RILPL1: variants seen among roughly 807,000 people sequenced by gnomAD.
RILPL1 encodes Rab interacting lysosomal protein like 1, also known as RILP-like protein 1.
Under a neutral mutation model 50.3 loss-of-function variants are expected in RILPL1, and 33 were observed. That is an observed-to-expected ratio of 0.66 (90% CI 0.50 to 0.88). The LOEUF (loss-of-function observed/expected upper bound fraction) is 0.88. Among genes scored for constraint, RILPL1 ranks in the 40% least tolerant of loss-of-function variants. RILPL1 has a pLI of 0.00. For missense variants in RILPL1, 418 were observed against 542.5 expected (o/e 0.77, Z 2.28); for synonymous variants, 205 against 228.6 (o/e 0.90, Z 0.93).
At chr12:123,499,196 G>A (rs902419638) in intron 3 of RILPL1, among the ~76,000 whole-genome samples, 17 of 152,180 alleles carry the variant, frequency 1.1e-4, no homozygotes, top group African/African-American at 4.1e-4. Flanking sequence ...CAGGAGGCGG[G>A]AGGAGCCTGC....
In RILPL1 at chr12:123,475,808, AAAC is replaced by A; in HGVS notation, c.1068-3129_1068-3127del. 6 of 1,097,050 alleles carry A rather than the reference AAAC, an allele frequency of 5.5e-6. 1 individual carries two copies. The South Asian group carries it at 8.0e-5, about 15-fold the overall frequency. 68.0% of individuals were successfully genotyped at this position (1,097,050 alleles called of 1,614,324 possible). A position where few individuals can be genotyped will look rare whatever the true frequency, so the allele number is the denominator to read the frequency against. On this transcript the variant is annotated intron_variant, in intron 6 of 6. Coordinates refer to ENST00000376874, the MANE Select transcript of RILPL1 (RefSeq NM_178314.5). ...GATAAAAACGGGAGGCATGAAAAAG[AAAC>A]AAACTCCACAGACACCAGTGGAAGG... is the stretch of plus-strand genomic sequence containing the variant.
chr12:123,512,522 GGTC>G (rs1314898347), intron 2 of RILPL1, among the ~76,000 whole-genome samples: 1 of 135,502 alleles, frequency 7.4e-6, no homozygotes, highest in Non-Finnish European at 1.6e-5. Context: ...GTGTGTGTGA[GGTC>G]TGTGTGTGTG....
Position 123,508,659 on chromosome 12 carries a change from T to C in RILPL1, c.461-9123A>G, listed in dbSNP as rs189291538. On this transcript the variant is annotated intron_variant, in intron 2 of 6. Coordinates refer to ENST00000376874, the MANE Select transcript of RILPL1 (RefSeq NM_178314.5). ...ATCTGAACATACATGCAAAAATTCA[T>C]AGAGCTGTACACTTAAAATGTGTTC... Among the ~76,000 whole-genome samples, 38 of 152,282 alleles carry C rather than the reference T, an allele frequency of 2.5e-4. 1 individual carries two copies. In the East Asian group the frequency reaches 6.8e-3, roughly 27 times the overall value.
Position 123,533,035 on chromosome 12 carries a change from C to T in RILPL1, c.309+139G>A. 2 of 925,002 alleles carry T rather than the reference C, an allele frequency of 2.2e-6. No homozygotes were observed. The highest frequency in any genetic ancestry group is 3.1e-6 in the Non-Finnish European group (2 of 636,716). The allele number at this position is 925,002 out of a possible 1,614,324, so 57.3% of individuals were successfully genotyped here. A position where few individuals can be genotyped will look rare whatever the true frequency, so the allele number is the denominator to read the frequency against. On this transcript the variant is annotated intron_variant, in intron 1 of 6. Coordinates refer to ENST00000376874, the MANE Select transcript of RILPL1 (RefSeq NM_178314.5). The surrounding 1 kb of genome is among the most constrained non-coding windows in gnomAD (Gnocchi z 6.2). ...TCGGGCAAAAGAAGGCCAGGGCCTCCCTCCCTCCCCACGTCGGGTCTCCTC... is the reference window on the plus strand; with the variant it reads ...TCGGGCAAAAGAAGGCCAGGGCCTCTCTCCCTCCCCACGTCGGGTCTCCTC...
chr12:123,525,438 GCC>G (rs1885216505), intron 1 of RILPL1, among the ~76,000 whole-genome samples: 1 of 145,544 alleles, frequency 6.9e-6, no homozygotes, highest in African/African-American at 2.5e-5. Context: ...GGTGGATCAT[GCC>G]TGTAACCTCA....
intron 2 of RILPL1, among the ~76,000 whole-genome samples, chr12:123,518,870 A>G (rs1439044415): frequency 1.3e-5 from 2 of 151,940 alleles, no homozygotes; most frequent in African/African-American, 2.4e-5. Context: ...CATACTGGCT[A>G]ACACGGTGAA....
chr12:123,512,377 C>G (rs1349696224), intron 2 of RILPL1, among the ~76,000 whole-genome samples: 249 of 41,526 alleles, frequency 6.0e-3, no homozygotes, highest in Non-Finnish European at 5.9e-3. Context: ...TGTGGTGTGT[C>G]TGAGGTCTGT....
At chr12:123,502,028 T>C (rs1328342085) in intron 2 of RILPL1, among the ~76,000 whole-genome samples, 4 of 143,602 alleles carry the variant, frequency 2.8e-5, no homozygotes, top group African/African-American at 1.0e-4. Context: ...TGTGGTGAGC[T>C]GAGATCATAC....
At position 123,470,288 on chromosome 12, in the gene RILPL1, G is replaced by A. The variant is rs1186566499; in HGVS notation, c.*2250C>T. The A allele has an allele frequency of 1.3e-5, 2 of 151,254 alleles. No homozygotes were observed. The highest frequency in any genetic ancestry group is 2.9e-5 in the Non-Finnish European group (2 of 67,880). 9.4% of individuals were successfully genotyped at this position (151,254 alleles called of 1,614,324 possible). On this transcript the variant is annotated 3_prime_UTR_variant, in exon 7 of 7. Coordinates refer to ENST00000376874, the MANE Select transcript of RILPL1 (RefSeq NM_178314.5). ...AGCCCAGGAGTTTGAGACCAGCTTAGGCAACAAAGTAAGACCTGGTCTCTA... is the reference window on the plus strand; with the variant it reads ...AGCCCAGGAGTTTGAGACCAGCTTAAGCAACAAAGTAAGACCTGGTCTCTA...
At chr12:123,473,407 T>A (rs1372240118) in intron 6 of RILPL1, 1 of 151,706 alleles carries the variant, frequency 6.6e-6, no homozygotes, top group Non-Finnish European at 1.5e-5. Context: ...CCCAGCTACT[T>A]AGGAGGCTGA....
chr12:123,511,562 G>GTGTGAGATCT (rs1884209905), intron 2 of RILPL1, among the ~76,000 whole-genome samples: 1 of 131,366 alleles, frequency 7.6e-6, no homozygotes, highest in Non-Finnish European at 1.6e-5. Context: ...CTGTGTGTGT[G>GTGTGAGATCT]GTATGTGTGA....
rs1883170575 is a variant in RILPL1 at position 123,498,508 on chromosome 12, C to G, written c.801+36G>C. 2 of 1,591,952 alleles carry G rather than the reference C, an allele frequency of 1.3e-6. No homozygotes were observed. The highest frequency in any genetic ancestry group is 2.2e-5 in the South Asian group (2 of 90,646). ...CCTTAAGCCAACCCCCAGACTGACC[C>G]TCTGCTACCACCTCTGCACCCAGCT... On this transcript the variant is annotated intron_variant, in intron 4 of 6. Transcript: ENST00000376874. The surrounding 1 kb of genome is among the most constrained non-coding windows in gnomAD (Gnocchi z 4.3).
At chr12:123,488,690 G>T (rs1422665909) in intron 4 of RILPL1, among the ~76,000 whole-genome samples, 2 of 152,174 alleles carry the variant, frequency 1.3e-5, no homozygotes, top group Non-Finnish European at 2.9e-5. Flanking sequence ...GCAGGCCCAG[G>T]TTGGGGGAGC....
chr12:123,518,993 G>A (rs1463278336), intron 2 of RILPL1, among the ~76,000 whole-genome samples: 1 of 147,322 alleles, frequency 6.8e-6, no homozygotes, highest in Non-Finnish European at 1.5e-5. Context: ...GGAGGTGGAG[G>A]TTGCAGTGAG....
intron 4 of RILPL1, among the ~76,000 whole-genome samples, chr12:123,497,780 AGT>A (rs1457542441): frequency 6.6e-6 from 1 of 152,102 alleles, no homozygotes; most frequent in Non-Finnish European, 1.5e-5. Context: ...CCTGGCCTCA[AGT>A]GATCTTCTTG....
intron 2 of RILPL1, among the ~76,000 whole-genome samples, chr12:123,509,547 G>A (rs180938237): frequency 1.4e-5 from 2 of 143,842 alleles, no homozygotes; most frequent in Non-Finnish European, 1.5e-5. Flanking sequence ...CGAGTAACAA[G>A]AGCAAAACTC....
chr12:123,513,007 G>T (rs190870203), intron 2 of RILPL1, among the ~76,000 whole-genome samples: 192 of 148,908 alleles, frequency 1.3e-3, no homozygotes, highest in Non-Finnish European at 2.2e-3. Flanking sequence ...TTTGTGTGTG[G>T]TGTGAGATCT....
chr12:123,525,665 C>T (rs909256398), intron 1 of RILPL1, among the ~76,000 whole-genome samples: 26 of 138,256 alleles, frequency 1.9e-4, no homozygotes, highest in African/African-American at 6.5e-4. Context: ...TGTACCACTG[C>T]ACTCCAGCCT....
rs1020508733 is a variant in RILPL1 at position 123,522,081 on chromosome 12, T to C, written c.460+1414A>G. On this transcript the variant is annotated intron_variant, in intron 2 of 6. Coordinates refer to ENST00000376874, the MANE Select transcript of RILPL1 (RefSeq NM_178314.5). The surrounding 1 kb of genome is among the most constrained non-coding windows in gnomAD (Gnocchi z 4.0). ...CCACTGTGCCTGGCCTTTAGTGCCA[T>C]ACTTGATTCTGCAGAGAGGTCACCA... Among the ~76,000 whole-genome samples the C allele has an allele frequency of 3.9e-5, 6 of 152,120 alleles. No homozygotes were observed. Among genetic ancestry groups the C allele is most frequent in the African/African-American group, 1.4e-4 (6 of 41,414 alleles).
Sources: gnomAD v4.1 joint callset for allele counts (sites outside exome capture counted in the v4.1 genomes callset) on GRCh38, gnomAD v4.1.1 for gene constraint, Gnocchi (gnomAD v3.1) non-coding constraint, MANE v1.5 for transcripts, NCBI Gene and HGNC (gene_info 2026-07-23, HGNC 2026-07-21) for gene names.